CNPY3: variants seen among roughly 807,000 people sequenced by gnomAD.
CNPY3 encodes canopy FGF signaling regulator 3.
A neutral mutation model predicts 32.0 loss-of-function variants in CNPY3; 20 were observed. The ratio of observed to expected loss-of-function variants is 0.63; its 90% confidence interval spans 0.44 to 0.91. The LOEUF (loss-of-function observed/expected upper bound fraction) is 0.91. Ranked by LOEUF, CNPY3 falls within the 40% of genes least tolerant of loss-of-function variation. The pLI, the probability that CNPY3 is intolerant of heterozygous loss-of-function variation, is 0.00. For synonymous variants in CNPY3, 138 were observed against 142.9 expected (o/e 0.97, Z 0.24); for missense variants, 299 against 340.8 (o/e 0.88, Z 0.97).
chr6:42,929,861 G>A (rs1243243357), intron 1 of CNPY3, 140 bp downstream of exon 1: 4 of 1,005,484 alleles, frequency 4.0e-6, no homozygotes, highest in East Asian at 2.7e-5. Flanking sequence ...GCGCCGGGAC[G>A]CTGCGGCGGA....
upstream of CNPY3, among the ~76,000 whole-genome samples, chr6:42,928,013 AGTCTTGCCCT>A (rs764028480): frequency 1.4e-5 from 2 of 144,706 alleles, no homozygotes; most frequent in African/African-American, 2.6e-5. Context: ...TTTGAGATGG[AGTCTTGCCCT>A]GTCGCCCAGG....
rs1308837306 is a variant in CNPY3 at position 42,929,721 on chromosome 6, G to T, written c.151G>T (p.Val51Leu). Residue 51 changes from valine (V) to leucine (L), a missense_variant and splice_region_variant, in exon 1 of 6, where the codon GTG becomes TTG. Val to Leu is a conservative substitution (Grantham distance 32). Transcript: ENST00000372836. The stretch of plus-strand genomic sequence containing the variant: ...GGTTCGCCTGCCCAGCAAATGCGAA[G>T]GTGAGGAGGCGGGGCCCGTGGGGCG... The part of the protein sequence containing the change: ...DWVRLPSKCE[V>L]CKYVAVELKS... The T allele has an allele frequency of 6.5e-7, 1 of 1,544,830 alleles. No homozygotes were observed.
rs1158656306 is a variant in CNPY3, at chr6:42,938,573, C to T, written c.619C>T (p.Leu207=). The part of the protein sequence containing the change: ...HVLKGKDTSC[L]AEQWSGKKGD... Reference sequence around the variant, plus strand: ...CTCTCTCCTCCACACCCTAGGTTGCCTGGCAGAGCAGTGGTCCGGCAAGAA... The same window carrying T: ...CTCTCTCCTCCACACCCTAGGTTGCTTGGCAGAGCAGTGGTCCGGCAAGAA... The change falls in exon 6 of 6, where the codon CTG becomes TTG. Residue 207 remains leucine, a synonymous_variant. Transcript: ENST00000372836. 3 of 1,583,312 alleles carry T rather than the reference C, an allele frequency of 1.9e-6. No homozygotes were observed. Among genetic ancestry groups the T allele is most frequent in the Non-Finnish European group, 1.7e-6 (2 of 1,163,954 alleles).
intron 4 of CNPY3, 21 bp from the exon 5 acceptor site, chr6:42,938,069 A>G: frequency 1.3e-6 from 2 of 1,597,302 alleles, no homozygotes; most frequent in Non-Finnish European, 1.7e-6. Context: ...CTTTGCCAAT[A>G]TGAGGTATTA....
chr6:42,929,534 A>G lies in CNPY3; in HGVS notation c.-37A>G. The G allele has an allele frequency of 1.3e-6, 2 of 1,521,190 alleles. No individual in the cohort carries two copies. Among genetic ancestry groups the G allele is most frequent in the Non-Finnish European group, 8.8e-7 (1 of 1,131,356 alleles). The allele number at this position is 1,521,190 out of a possible 1,614,324, so 94.2% of individuals were successfully genotyped here. On this transcript the variant is annotated 5_prime_UTR_variant, in exon 1 of 6. Coordinates refer to ENST00000372836, the MANE Select transcript of CNPY3 (RefSeq NM_006586.5). ...CTCCGCGCGCGCCGCGGGAGGAGGA[A>G]CCGCCCGGTCCTTTAGGGTCCGGGC...
intron 1 of CNPY3, among the ~76,000 whole-genome samples, chr6:42,933,005 A>T (rs980813644): frequency 1.8e-4 from 28 of 152,214 alleles, no homozygotes; most frequent in Admixed American, 6.5e-4. Flanking sequence ...CTAAGGAAAT[A>T]CGAAAAAATC....
intron 2 of CNPY3, among the ~76,000 whole-genome samples, 161 bp downstream of exon 2, chr6:42,934,759 GTGCATAAATCTCTT>G (rs1768095117): frequency 6.6e-6 from 1 of 152,212 alleles, no homozygotes; most frequent in South Asian, 2.1e-4. Flanking sequence ...ATTGGGTGAC[GTGCATAAATCTCTT>G]AACTTCTTTA....
At chr6:42,937,945 G>C in intron 4 of CNPY3, 106 bp downstream of exon 4, 1 of 1,523,126 alleles carries the variant, frequency 6.6e-7, no homozygotes, top group Non-Finnish European at 9.0e-7. Flanking sequence ...GCTTTGGTCA[G>C]GTCATTTCAC....
chr6:42,934,287 A>C (rs1186480580), intron 1 of CNPY3, among the ~76,000 whole-genome samples, 188 bp from the exon 2 acceptor site: 3 of 152,234 alleles, frequency 2.0e-5, no homozygotes, highest in African/African-American at 7.2e-5. Context: ...TCAGAAGTCA[A>C]CATGGCACAT....
chr6:42,938,100 T>G lies in CNPY3; in HGVS notation c.506T>G (p.Leu169Arg). ...TATTATGATTAACAGTGTGATGTGC[T>G]GGTGGAAGAGTTTGAGGAGGTGATC... The part of the protein sequence containing the change: ...VADLKKQCDV[L>R]VEEFEEVIED... Residue 169 changes from leucine to arginine, a missense_variant, in exon 5 of 6, where the codon CTG (leucine) becomes CGG (arginine). By Grantham distance (102) the Leu-to-Arg change is moderately radical. Around this residue, in one of 2 missense-constraint regions of CNPY3, gnomAD observed 211 missense variants for 278.3 expected, o/e 0.76. Coordinates refer to ENST00000372836, the MANE Select transcript of CNPY3 (RefSeq NM_006586.5). 6.2e-7 allele frequency: 1 copy of G among 1,613,596 alleles called. No homozygotes were observed. Among genetic ancestry groups the G allele is most frequent in the Non-Finnish European group, 8.5e-7 (1 of 1,179,484 alleles).
In CNPY3 at chr6:42,938,933, A is replaced by T. The variant is rs533937818; in HGVS notation, c.*142A>T. On this transcript the variant is annotated 3_prime_UTR_variant, in exon 6 of 6. Transcript: ENST00000372836. ...GCCCTCTTCTGCCAAGGAAAGACAC[A>T]AGCCCCAGGAAGAACTCAGAGCCGT... 1.6e-5 allele frequency: 23 copies of T among 1,422,252 alleles called. No homozygotes were observed. In the East Asian group the frequency reaches 2.8e-4, roughly 17 times the overall value. 88.1% of individuals were successfully genotyped at this position (1,422,252 alleles called of 1,614,324 possible).
In CNPY3 at chr6:42,929,597, C is replaced by A; in HGVS notation, c.27C>A (p.Ser9=). MDSMPEPA[S]RCLLLLPLLL... ...TGGATTCAATGCCTGAGCCCGCGTC[C>A]CGCTGTCTTCTGCTTCTTCCCTTGC... Residue 9 remains serine (S), a synonymous_variant, in exon 1 of 6, where the codon TCC becomes TCA. Coordinates refer to ENST00000372836, the MANE Select transcript of CNPY3 (RefSeq NM_006586.5). 2.5e-6 allele frequency: 4 copies of A among 1,572,874 alleles called. No homozygotes were observed. Among genetic ancestry groups the A allele is most frequent in the Non-Finnish European group, 3.4e-6 (4 of 1,159,910 alleles).
intron 1 of CNPY3, among the ~76,000 whole-genome samples, chr6:42,931,120 C>A (rs1255446803): frequency 6.6e-6 from 1 of 151,744 alleles, no homozygotes; most frequent in Non-Finnish European, 1.5e-5. Context: ...GAACTCCTGA[C>A]CTCAAGTGAT....
chr6:42,935,439 C>T, intron 2 of CNPY3, 135 bp from the exon 3 acceptor site: 1 of 1,357,784 alleles, frequency 7.4e-7, no homozygotes, highest in Non-Finnish European at 9.6e-7. Flanking sequence ...ACCAGATGAC[C>T]TATCTTCCTT....
chr6:42,930,738 T>G (rs1296097579), intron 1 of CNPY3, among the ~76,000 whole-genome samples: 1 of 152,202 alleles, frequency 6.6e-6, no homozygotes, highest in African/African-American at 2.4e-5. Context: ...AGATGTTCCC[T>G]AAACACTGGA....
At chr6:42,938,065 C>T (rs1483001107) in intron 4 of CNPY3, 25 bp from the exon 5 acceptor site, 8 of 1,594,610 alleles carry the variant, frequency 5.0e-6, no homozygotes, top group Admixed American at 1.7e-5. Context: ...GGGGCTTTGC[C>T]AATATGAGGT....
chr6:42,938,602 A>G lies in CNPY3; in HGVS notation c.648A>G (p.Gly216=), dbSNP rs1229090396. ...CAGAGCAGTGGTCCGGCAAGAAGGG[A>G]GACACAGCTGCCCTGGGAGGGAAGA... ...CLAEQWSGKK[G]DTAALGGKKS... Residue 216 remains glycine, a synonymous_variant, in exon 6 of 6, where the codon GGA becomes GGG. Transcript: ENST00000372836. 1 of 1,603,254 alleles carries G rather than the reference A, an allele frequency of 6.2e-7. No homozygotes were observed. Among genetic ancestry groups the G allele is most frequent in the African/African-American group, 1.3e-5 (1 of 74,806 alleles).
In CNPY3 at chr6:42,937,781, A is replaced by C; in HGVS notation, c.437A>C (p.Asp146Ala). 2 of 1,614,056 alleles carry C rather than the reference A, an allele frequency of 1.2e-6. No individual in the cohort carries two copies. The highest frequency in any genetic ancestry group is 1.7e-6 in the Non-Finnish European group (2 of 1,179,934). Residue 146 changes from aspartate to alanine, a missense_variant, in exon 4 of 6, where the codon GAC becomes GCC. This residue lies in a region of CNPY3 where 211 missense variants were observed against 278.3 expected (regional missense o/e 0.76). Transcript: ENST00000372836. ...LVHKGVKVVM[D>A]IPYELWNETS... is the part of the protein sequence containing the mutation. Reference sequence around the variant, plus strand: ...CACAAAGGGGTCAAGGTGGTGATGGACATCCCCTATGAGCTGTGGAACGAG... The same window carrying C: ...CACAAAGGGGTCAAGGTGGTGATGGCCATCCCCTATGAGCTGTGGAACGAG...
At chr6:42,929,474 A>G, upstream of CNPY3, 1 of 1,285,980 alleles carries the variant, frequency 7.8e-7, no homozygotes, top group Non-Finnish European at 1.0e-6. Flanking sequence ...GCTCGGAGGC[A>G]CGTGTGCAGT....
Sources: gnomAD v4.1 joint callset for allele counts (sites outside exome capture counted in the v4.1 genomes callset) on GRCh38, gnomAD v4.1.1 for gene constraint, gnomAD v4.1.1 regional missense constraint, MANE v1.5 for transcripts, NCBI Gene and HGNC (gene_info 2026-07-23, HGNC 2026-07-21) for gene names.